VPS16: variants seen among roughly 807,000 people sequenced by gnomAD.
VPS16 encodes VPS16 core subunit of CORVET and HOPS complexes.
VPS16 carries 82 observed loss-of-function variants against 116.0 expected under a neutral mutation model. That is an observed-to-expected ratio of 0.71 (90% confidence interval 0.59 to 0.85). The LOEUF (loss-of-function observed/expected upper bound fraction) is 0.85, where lower values mean the gene tolerates loss of function less well. Among genes scored for constraint, VPS16 ranks in the 40% least tolerant of loss-of-function variants. VPS16 has a pLI of 0.00. For missense variants in VPS16, 928 were observed against 1,090.6 expected (o/e 0.85, Z 2.10); for synonymous variants, 406 against 420.7 (o/e 0.96, Z 0.43).
chr20:2,845,704 CA>C lies in VPS16; in HGVS notation c.53+4879del, dbSNP rs772209293. 1.1e-4 allele frequency among the ~76,000 whole-genome samples: 17 copies of C among 152,214 alleles called. No individual in the cohort carries two copies. The South Asian group carries it at 1.9e-3, about 17-fold the overall frequency. ...TGTTAAGTATATTCACGTTGTTGTG[CA>C]ACCAGTCTCCAGGACTTTTTCATCT... On this transcript the variant is annotated intron_variant, in intron 1 of 23. Coordinates refer to ENST00000380445, the MANE Select transcript of VPS16 (RefSeq NM_022575.4).
At chr20:2,858,521 CACA>C (rs2089197175) in intron 1 of VPS16, among the ~76,000 whole-genome samples, 2 of 151,946 alleles carry the variant, frequency 1.3e-5, no homozygotes, top group Admixed American at 1.3e-4. Flanking sequence ...TGGCTAGAAC[CACA>C]ACAAGGATGT....
intron 1 of VPS16, among the ~76,000 whole-genome samples, chr20:2,846,998 C>T (rs1457586136): frequency 6.6e-6 from 1 of 152,150 alleles, no homozygotes; most frequent in African/African-American, 2.4e-5. Context: ...AAGTGTGTGG[C>T]CTCTCTTCAC....
At position 2,866,676 on chromosome 20, in the gene VPS16, A is replaced by G; in HGVS notation, c.*102A>G. 6.6e-7 allele frequency: 1 copy of G among 1,526,402 alleles called. No individual in the cohort carries two copies. The highest frequency in any genetic ancestry group is 8.9e-7 in the Non-Finnish European group (1 of 1,127,736). 94.6% of individuals were successfully genotyped at this position (1,526,402 alleles called of 1,614,324 possible). On this transcript the variant is annotated 3_prime_UTR_variant, in exon 24 of 24. Coordinates refer to ENST00000380445, the MANE Select transcript of VPS16 (RefSeq NM_022575.4). ...CAGCTCCTCCCCTAGAGCAATGCTG[A>G]GGAGCGGGGGCATGGTAGCAGGGCT...
chr20:2,862,226 G>T (rs1359087430), intron 11 of VPS16, 96 bp downstream of exon 11: 6 of 1,424,162 alleles, frequency 4.2e-6, no homozygotes, highest in Non-Finnish European at 5.7e-6. Flanking sequence ...GTCAAGAGAG[G>T]GGTCCAGGCA....
intron 1 of VPS16, among the ~76,000 whole-genome samples, chr20:2,842,662 A>ATAGATGTATCTATATATAGATACATC (rs1568620478): frequency 2.1e-4 from 20 of 93,828 alleles, no homozygotes; most frequent in African/African-American, 8.5e-4. Context: ...AGATAGATAT[A>ATAGATGTATCTATATATAGATACATC]TAGATGTATC....
chr20:2,847,305 C>G (rs1282215274), intron 1 of VPS16, among the ~76,000 whole-genome samples: 2 of 152,128 alleles, frequency 1.3e-5, no homozygotes, highest in Non-Finnish European at 2.9e-5. Context: ...TCCTAGGCAT[C>G]CCAGCTCTTG....
Position 2,840,835 on chromosome 20 carries a change from G to GGCCCC in VPS16, c.53+8_53+9insGCCCC. On this transcript the variant is annotated intron_variant, in intron 1 of 23. Transcript: ENST00000380445. ...GGACTCTGCCTTTTACCGGTGAGCTGCCCCGCCCTCCCGCCCACGGCCTGG... is the reference window on the plus strand; with the variant it reads ...GGACTCTGCCTTTTACCGGTGAGCTGGCCCCCCCCGCCCTCCCGCCCACGGCCTGG... The GGCCCC allele has an allele frequency of 7.2e-6, 11 of 1,524,190 alleles. No homozygotes were observed. The highest frequency in any genetic ancestry group is 2.4e-5 in the South Asian group (2 of 83,462). 94.4% of individuals were successfully genotyped at this position (1,524,190 alleles called of 1,614,324 possible). A position where few individuals can be genotyped will look rare whatever the true frequency, so the allele number is the denominator to read the frequency against.
rs1212451706 is a variant in VPS16, at chr20:2,863,771, GA to G, written c.1477-175del. Among the ~76,000 whole-genome samples, 1 of 151,376 alleles carries G rather than the reference GA, an allele frequency of 6.6e-6. No individual in the cohort carries two copies. The highest frequency in any genetic ancestry group is 2.4e-5 in the African/African-American group (1 of 41,144). ...AGCAAGACTCTGTCTCAAAAAAAAAGAAAGAAGTGGCGGGGGCGGAGGAGGA... is the reference window on the plus strand; with the variant it reads ...AGCAAGACTCTGTCTCAAAAAAAAAGAAGAAGTGGCGGGGGCGGAGGAGGA... On this transcript the variant is annotated intron_variant, in intron 15 of 23. Coordinates refer to ENST00000380445, the MANE Select transcript of VPS16 (RefSeq NM_022575.4). This position sits in a 1 kb window ranked among gnomAD's most constrained non-coding sequence, Gnocchi z 4.4.
rs139002250 is a variant in VPS16 at position 2,865,618 on chromosome 20, G to C, written c.2271+123G>C. 1 of 884,852 alleles carries C rather than the reference G, an allele frequency of 1.1e-6. No homozygotes were observed. Among genetic ancestry groups the C allele is most frequent in the African/African-American group, 1.7e-5 (1 of 59,236 alleles). The allele number at this position is 884,852 out of a possible 1,614,324, so 54.8% of individuals were successfully genotyped here. ...CTGTTCAGCTGCCCGCATAGTTAGC[G>C]AGTGCTTCCTGTATACACATTTGTG... On this transcript the variant is annotated intron_variant, in intron 22 of 23. Transcript: ENST00000380445. The surrounding 1 kb of genome is among the most constrained non-coding windows in gnomAD (Gnocchi z 5.2).
Position 2,864,110 on chromosome 20 carries a change from A to T in VPS16, c.1611+27A>T. ...TGTGGGTGCCCAGCCCTCCACAGAC[A>T]CTCTGATGTGGTTGTTCAGGGCCCC... On this transcript the variant is annotated intron_variant, in intron 16 of 23. Coordinates refer to ENST00000380445, the MANE Select transcript of VPS16 (RefSeq NM_022575.4). This position sits in a 1 kb window ranked among gnomAD's most constrained non-coding sequence, Gnocchi z 5.2. 6.2e-7 allele frequency: 1 copy of T among 1,613,296 alleles called. No homozygotes were observed. The highest frequency in any genetic ancestry group is 8.5e-7 in the Non-Finnish European group (1 of 1,179,472).
At position 2,863,017 on chromosome 20, in the gene VPS16, C is replaced by A; in HGVS notation, c.1332-48C>A. ...TGGAGATGCGTCTGCAGGTACCTGGCAAGCGGGGCTTATTCTCCAACTGGA... is the reference window on the plus strand; with the variant it reads ...TGGAGATGCGTCTGCAGGTACCTGGAAAGCGGGGCTTATTCTCCAACTGGA... On this transcript the variant is annotated intron_variant, in intron 13 of 23. Coordinates refer to ENST00000380445, the MANE Select transcript of VPS16 (RefSeq NM_022575.4). This position sits in a 1 kb window ranked among gnomAD's most constrained non-coding sequence, Gnocchi z 4.4. The A allele has an allele frequency of 1.9e-6, 3 of 1,614,058 alleles. No homozygotes were observed. The highest frequency in any genetic ancestry group is 2.2e-5 in the East Asian group (1 of 44,880).
chr20:2,849,940 G>A (rs561260866), intron 1 of VPS16, among the ~76,000 whole-genome samples: 1 of 152,324 alleles, frequency 6.6e-6, no homozygotes, highest in South Asian at 2.1e-4. Flanking sequence ...CCCATCTTTA[G>A]GGGGTCTATC....
chr20:2,855,654 C>T (rs2089165792), intron 1 of VPS16, among the ~76,000 whole-genome samples: 1 of 152,230 alleles, frequency 6.6e-6, no homozygotes, highest in Non-Finnish European at 1.5e-5. Flanking sequence ...CAATGATCTT[C>T]GCTAGATCTT....
intron 1 of VPS16, among the ~76,000 whole-genome samples, chr20:2,854,238 TACAC>T (rs150363426): frequency 0.018 from 2,503 of 139,874 alleles, 75 homozygotes; most frequent in African/African-American, 0.063. Context: ...ACCCCGTCTC[TACAC>T]ACACACACAC....
At position 2,865,074 on chromosome 20, in the gene VPS16, C is replaced by G. The variant is rs1355227031; in HGVS notation, c.2004+19C>G. The G allele has an allele frequency of 1.9e-6, 3 of 1,614,034 alleles. No homozygotes were observed. The highest frequency in any genetic ancestry group is 2.5e-6 in the Non-Finnish European group (3 of 1,180,024). On this transcript the variant is annotated intron_variant, in intron 20 of 23. Transcript: ENST00000380445. This position sits in a 1 kb window ranked among gnomAD's most constrained non-coding sequence, Gnocchi z 5.2. ...AGCCAAGGTTTGGCCCACCTTTTTC[C>G]AAGAGCCTCCTCGTCTCCTGGTCTT... is the stretch of plus-strand genomic sequence containing the variant.
rs1374601239 is a variant in VPS16 at position 2,860,686 on chromosome 20, C to T, written c.515-62C>T. The T allele has an allele frequency of 1.2e-6, 2 of 1,611,174 alleles. No individual in the cohort carries two copies. The highest frequency in any genetic ancestry group is 1.7e-6 in the Non-Finnish European group (2 of 1,178,760). On this transcript the variant is annotated intron_variant, in intron 5 of 23. Transcript: ENST00000380445. This position sits in a 1 kb window ranked among gnomAD's most constrained non-coding sequence, Gnocchi z 6.1. ...TAAAAACAGAAGCTGTGGCTAGAGA[C>T]CCATAGAAACAGAAACGGTGGGCCT...
intron 1 of VPS16, among the ~76,000 whole-genome samples, chr20:2,858,112 T>A (rs1371280408): frequency 6.7e-6 from 1 of 149,718 alleles, no homozygotes; most frequent in Non-Finnish European, 1.5e-5. Flanking sequence ...TTTTTTTTTT[T>A]GAGACAGGGT....
intron 1 of VPS16, among the ~76,000 whole-genome samples, chr20:2,842,024 G>A (rs2088981276): frequency 6.6e-6 from 1 of 152,116 alleles, no homozygotes; most frequent in Non-Finnish European, 1.5e-5. Flanking sequence ...CAAAGTACTG[G>A]GATTACAGGC....
intron 1 of VPS16, among the ~76,000 whole-genome samples, chr20:2,846,413 G>C (rs12481376): frequency 1.3e-5 from 2 of 151,886 alleles, no homozygotes; most frequent in Non-Finnish European, 2.9e-5. Context: ...CATTGCACCC[G>C]GCCTCTGTAC....
Sources: allele counts gnomAD v4.1 joint callset (sites outside exome capture counted in the v4.1 genomes callset), GRCh38; gene constraint gnomAD v4.1.1; non-coding constraint Gnocchi (gnomAD v3.1); transcripts MANE v1.5; gene names NCBI Gene and HGNC (gene_info 2026-07-23, HGNC 2026-07-21).